MYH11: variants seen among roughly 807,000 people sequenced by gnomAD.
MYH11 encodes myosin heavy chain 11.
A neutral mutation model predicts 246.6 loss-of-function variants in MYH11; 80 were observed. The observed-to-expected ratio is 0.32, with a 90% CI of 0.27 to 0.39. MYH11 has a LOEUF of 0.39. MYH11 is among the 10% of genes least tolerant of loss of function. The pLI is 1.00. For missense variants in MYH11, 2,158 were observed against 2,546.8 expected, an observed-to-expected ratio of 0.85 and a Z score of 3.29; for synonymous variants, 1,071 against 1,015.5, an observed-to-expected ratio of 1.05 and a Z score of -1.04.
chr16:15,750,461 G>T lies in MYH11; in HGVS notation c.1865-130C>A, dbSNP rs945474560. On this transcript the variant is annotated intron_variant, in intron 15 of 40. Transcript: ENST00000300036. This position sits in a 1 kb window ranked among gnomAD's most constrained non-coding sequence, Gnocchi z 4.3. ...TCCTTCCATCACCAACGCCTCCTTCGGCAGTCAGGGTTTCCAAGTATTGTC... is the reference window on the plus strand; with the variant it reads ...TCCTTCCATCACCAACGCCTCCTTCTGCAGTCAGGGTTTCCAAGTATTGTC... The T allele has an allele frequency of 7.9e-6, 7 of 882,064 alleles. No homozygotes were observed. The African/African-American group carries it at 1.0e-4, about 13-fold the overall frequency. The allele number at this position is 882,064 out of a possible 1,614,324, so 54.6% of individuals were successfully genotyped here. A position where few individuals can be genotyped will look rare whatever the true frequency, so the allele number is the denominator to read the frequency against.
chr16:15,829,477 C>T (rs865821014), intron 2 of MYH11, among the ~76,000 whole-genome samples: 17 of 152,294 alleles, frequency 1.1e-4, no homozygotes, highest in African/African-American at 2.2e-4. Flanking sequence ...GCTTCAGCAT[C>T]GGGCTCTTCC....
Position 15,721,458 on chromosome 16 carries a change from T to G in MYH11, c.4542A>C (p.Glu1514Asp). Reference sequence around the variant, plus strand: ...CGTCATCCTTGGAGCTGACCAGGTCTTCCATTTCGGCTTTGAGCATTTTGT... The same window carrying G: ...CGTCATCCTTGGAGCTGACCAGGTCGTCCATTTCGGCTTTGAGCATTTTGT... ...RTNKMLKAEM[E>D]DLVSSKDDVG... is the part of the protein sequence containing the mutation. The change falls in exon 32 of 41, where the codon GAA becomes GAC. Residue 1514 changes from glutamate to aspartate, a missense_variant. Around this residue, in one of 11 missense-constraint regions of MYH11, gnomAD observed 1,013 missense variants for 993.5 expected, o/e 1.02. Transcript: ENST00000300036. The G allele has an allele frequency of 6.2e-7, 1 of 1,614,212 alleles. No individual in the cohort carries two copies. Among genetic ancestry groups the G allele is most frequent in the Non-Finnish European group, 8.5e-7 (1 of 1,180,046 alleles).
Position 15,721,666 on chromosome 16 carries a change from G to T in MYH11, c.4366-32C>A, listed in dbSNP as rs558071192. 6.2e-6 allele frequency: 10 copies of T among 1,608,990 alleles called. No individual in the cohort carries two copies. The South Asian group carries it at 1.1e-4, about 18-fold the overall frequency. ...CACAAGACCCAGAGGTGACTTCTAG[G>T]CATATCCGGGGTCAGCGTCACTGAA... On this transcript the variant is annotated intron_variant, in intron 31 of 40. Transcript: ENST00000300036.
intron 6 of MYH11, among the ~76,000 whole-genome samples, chr16:15,780,277 G>A (rs1055833305): frequency 1.3e-5 from 2 of 152,042 alleles, no homozygotes; most frequent in South Asian, 4.2e-4. Context: ...ATGTTGGGGG[G>A]GGGCCGCTGT....
intron 6 of MYH11, among the ~76,000 whole-genome samples, chr16:15,781,125 C>T (rs1025568470): frequency 6.6e-6 from 1 of 152,174 alleles, no homozygotes; most frequent in Admixed American, 6.5e-5. Flanking sequence ...AGGCTGGTCT[C>T]AAACTCTTGA....
At chr16:15,782,691 C>T (rs2042384544) in intron 5 of MYH11, 1 of 552,988 alleles carries the variant, frequency 1.8e-6, no homozygotes, top group East Asian at 3.1e-5. Context: ...GACATCTGCT[C>T]CCTAGGAAGG....
chr16:15,705,634 T>C (rs1282200628), intron 40 of MYH11, among the ~76,000 whole-genome samples: 2 of 151,978 alleles, frequency 1.3e-5, no homozygotes, highest in African/African-American at 4.8e-5. Flanking sequence ...CACGCAAGGG[T>C]TGGATAAGAA....
At chr16:15,723,224 T>C (rs1229930940) in intron 31 of MYH11, among the ~76,000 whole-genome samples, 6 of 152,172 alleles carry the variant, frequency 3.9e-5, no homozygotes, top group Non-Finnish European at 1.5e-5. Context: ...AGAAGCAAAA[T>C]TGTGTTTAAA....
intron 3 of MYH11, among the ~76,000 whole-genome samples, chr16:15,814,140 C>CAAAA (rs752834891): frequency 0.17 from 18,115 of 103,824 alleles, 1,145 homozygotes; most frequent in East Asian, 0.18. Context: ...CTCCATCCCC[C>CAAAA]AAAAAAAAAC....
In MYH11 at chr16:15,758,006, C is replaced by G. The variant is rs1060504020; in HGVS notation, c.1402-6G>C. The G allele has an allele frequency of 6.2e-7, 1 of 1,613,566 alleles. No individual in the cohort carries two copies. The highest frequency in any genetic ancestry group is 2.2e-5 in the East Asian group (1 of 44,882). On this transcript the variant is annotated splice_region_variant and splice_polypyrimidine_tract_variant and intron_variant, in intron 12 of 40. Transcript: ENST00000300036. Reference sequence around the variant, plus strand: ...AGCTGCTCGAAGGAGTTCACCTGAGCACATGGCGTGGGGGCGGGGCGTGAG... The same window carrying G: ...AGCTGCTCGAAGGAGTTCACCTGAGGACATGGCGTGGGGGCGGGGCGTGAG...
At chr16:15,801,894 T>C (rs2042895920) in intron 3 of MYH11, among the ~76,000 whole-genome samples, 1 of 151,790 alleles carries the variant, frequency 6.6e-6, no homozygotes, top group Admixed American at 6.6e-5. Flanking sequence ...GAGGTGGAGG[T>C]TGCAGTGAGG....
At chr16:15,741,364 T>A in intron 22 of MYH11, 99 bp downstream of exon 22, 2 of 1,327,814 alleles carry the variant, frequency 1.5e-6, no homozygotes, top group Non-Finnish European at 2.1e-6. Flanking sequence ...TCATCATCTG[T>A]CCCAGCAGGG....
intron 40 of MYH11, among the ~76,000 whole-genome samples, chr16:15,706,324 A>G (rs1385784895): frequency 1.3e-5 from 2 of 152,086 alleles, no homozygotes; most frequent in Non-Finnish European, 2.9e-5. Flanking sequence ...AGGATGCTCA[A>G]ATTCAGCGCA....
intron 9 of MYH11, 130 bp downstream of exon 9, chr16:15,771,435 CTTTT>C (rs200813930): frequency 2.8e-3 from 1,963 of 700,396 alleles, no homozygotes; most frequent in South Asian, 4.7e-3. Context: ...CATTTTCCTC[CTTTT>C]TTTTTTTTTT....
intron 40 of MYH11, among the ~76,000 whole-genome samples, chr16:15,706,295 T>G (rs2039450250): frequency 6.6e-6 from 1 of 152,254 alleles, no homozygotes; most frequent in African/African-American, 2.4e-5. Context: ...AGCACTGTTT[T>G]CCAAGCGCTT....
chr16:15,740,173 G>C lies in MYH11; in HGVS notation c.2875C>G (p.Leu959Val), dbSNP rs1596760890. 3 of 1,614,170 alleles carry C rather than the reference G, an allele frequency of 1.9e-6. No individual in the cohort carries two copies. Among genetic ancestry groups the C allele is most frequent in the Middle Eastern group, 1.6e-4 (1 of 6,062 alleles). Residue 959 changes from leucine (L) to valine (V), a missense_variant, in exon 23 of 41, where the codon CTG becomes GTG. Physicochemically the swap from Leu to Val is conservative, Grantham distance 32 (BLOSUM62 1). This residue lies in a region of MYH11 where 284 missense variants were observed against 315.4 expected (regional missense o/e 0.90). Coordinates refer to ENST00000300036, the MANE Select transcript of MYH11 (RefSeq NM_002474.3). ...AQQMLDLEEQLEEEEAARQKL... is the reference protein window; with the variant it reads ...AQQMLDLEEQVEEEEAARQKL... ...TGCCTGGCAGCTTCCTCCTCCTCCA[G>C]CTGTTCTTCAAGGTCCTTTGTTGTG...
intron 10 of MYH11, among the ~76,000 whole-genome samples, chr16:15,762,965 A>G (rs564827515): frequency 6.6e-6 from 1 of 152,248 alleles, no homozygotes; most frequent in African/African-American, 2.4e-5. Context: ...GCCACCAACA[A>G]GCATAGTGGT....
intron 5 of MYH11, chr16:15,783,049 A>G (rs1170635706): frequency 6.4e-6 from 1 of 157,060 alleles, no homozygotes; most frequent in African/African-American, 2.4e-5. Context: ...GGACTGCGGA[A>G]TAAAGCTTCA....
intron 5 of MYH11, chr16:15,784,978 C>A: frequency 2.4e-6 from 1 of 420,706 alleles, no homozygotes; most frequent in East Asian, 3.8e-5. Flanking sequence ...AGACTACAGG[C>A]ATGCACACCA....
Sources: gnomAD v4.1 joint callset for allele counts (sites outside exome capture counted in the v4.1 genomes callset) on GRCh38, gnomAD v4.1.1 for gene constraint, gnomAD v4.1.1 regional missense constraint, Gnocchi (gnomAD v3.1) non-coding constraint, MANE v1.5 for transcripts, NCBI Gene and HGNC (gene_info 2026-07-23, HGNC 2026-07-21) for gene names.